ZNF708: variants seen among roughly 807,000 people sequenced by gnomAD.
ZNF708 encodes ZNF15, ZNF15L1.
ZNF708 carries 44 observed loss-of-function variants against 47.0 expected under a neutral mutation model. The ratio of observed to expected loss-of-function variants is 0.94; its 90% CI spans 0.74 to 1.20. ZNF708 has a LOEUF of 1.20. Among genes scored for constraint, ZNF708 ranks in the 50% most tolerant of loss-of-function variants. The pLI, the probability that ZNF708 is intolerant of heterozygous loss-of-function variation, is 0.00. For synonymous variants in ZNF708, 184 were observed against 218.5 expected, an observed-to-expected ratio of 0.84 and a Z score of 1.39; for missense variants, 557 against 656.0, an observed-to-expected ratio of 0.85 and a Z score of 1.65.
Position 21,293,763 on chromosome 19 carries a change from A to G in ZNF708, c.1203T>C (p.Phe401=). The G allele has an allele frequency of 6.2e-7, 1 of 1,613,658 alleles. No individual in the cohort carries two copies. Among genetic ancestry groups the G allele is most frequent in the Non-Finnish European group, 8.5e-7 (1 of 1,179,852 alleles). The change falls in exon 4 of 4, where the codon TTT becomes TTC. Residue 401 remains phenylalanine (F), a synonymous_variant. Coordinates refer to ENST00000356929, the MANE Select transcript of ZNF708 (RefSeq NM_021269.3). ...PYKCEECGKA[F]TKSSTLTYHK... ...GATAAGTAAGAGTTGAGGACTTGGT[A>G]AAGGCTTTACCACATTCTTCACATT...
In ZNF708 at chr19:21,293,198, T is replaced by G; in HGVS notation, c.*76A>C. ...TAAAGGCTTTGCCACATTTATCACATTTGTAGGATTTCTCTCCAGTATGAA... is the reference window on the plus strand; with the variant it reads ...TAAAGGCTTTGCCACATTTATCACAGTTGTAGGATTTCTCTCCAGTATGAA... On this transcript the variant is annotated 3_prime_UTR_variant, in exon 4 of 4. Transcript: ENST00000356929. The G allele has an allele frequency of 6.6e-7, 1 of 1,504,448 alleles. No homozygotes were observed. The highest frequency in any genetic ancestry group is 1.4e-5 in the African/African-American group (1 of 71,798). The allele number at this position is 1,504,448 out of a possible 1,614,324, so 93.2% of individuals were successfully genotyped here.
intron 3 of ZNF708, among the ~76,000 whole-genome samples, chr19:21,305,167 C>T (rs1027375016): frequency 2.0e-5 from 3 of 151,720 alleles, no homozygotes; most frequent in Admixed American, 6.6e-5. Context: ...CGTGCCACCA[C>T]GCCCAGCTAA....
intron 1 of ZNF708, among the ~76,000 whole-genome samples, chr19:21,324,105 G>A (rs549678284): frequency 1.3e-5 from 2 of 151,510 alleles, no homozygotes; most frequent in Non-Finnish European, 2.9e-5. Context: ...TTAGTCGGGC[G>A]TGGTGGCGGG....
chr19:21,307,177 AAATAC>A (rs1568349407), intron 3 of ZNF708, among the ~76,000 whole-genome samples: 14 of 148,592 alleles, frequency 9.4e-5, no homozygotes, highest in South Asian at 4.2e-4. Flanking sequence ...AAATAAAATA[AAATAC>A]AATAAAATAC....
intron 3 of ZNF708, among the ~76,000 whole-genome samples, chr19:21,296,816 C>T (rs879521718): frequency 2.2e-4 from 33 of 151,934 alleles, no homozygotes; most frequent in Non-Finnish European, 3.8e-4. Context: ...TGATTATAAA[C>T]ATCTGTTAAT....
intron 1 of ZNF708, among the ~76,000 whole-genome samples, chr19:21,324,377 G>A (rs1012968818): frequency 6.6e-6 from 1 of 152,188 alleles, no homozygotes; most frequent in Non-Finnish European, 1.5e-5. Flanking sequence ...AGACCAGCCT[G>A]ACCAACATGC....
chr19:21,298,969 T>C (rs1972599635), intron 3 of ZNF708, among the ~76,000 whole-genome samples: 2 of 152,132 alleles, frequency 1.3e-5, no homozygotes, highest in African/African-American at 4.8e-5. Flanking sequence ...AAGACAGAGA[T>C]TGTATGATAT....
intron 3 of ZNF708, among the ~76,000 whole-genome samples, chr19:21,308,707 C>G (rs535103293): frequency 1.4e-4 from 21 of 152,188 alleles, no homozygotes; most frequent in African/African-American, 4.8e-4. Context: ...CACTGCCCCC[C>G]CAGCCAAAAC....
chr19:21,315,784 ATT>A (rs58631399), intron 1 of ZNF708, among the ~76,000 whole-genome samples: 21,336 of 152,144 alleles, frequency 0.14, 1,964 homozygotes, highest in Non-Finnish European at 0.21. Flanking sequence ...CCAGTGTGGC[ATT>A]TTTAGTTCAA....
intron 1 of ZNF708, among the ~76,000 whole-genome samples, chr19:21,317,395 A>G (rs1373209420): frequency 6.6e-6 from 1 of 152,164 alleles, no homozygotes; most frequent in Non-Finnish European, 1.5e-5. Flanking sequence ...TAGATACCAA[A>G]TAGGCAGAGA....
At chr19:21,297,045 A>C (rs1266151137) in intron 3 of ZNF708, among the ~76,000 whole-genome samples, 1 of 151,512 alleles carries the variant, frequency 6.6e-6, no homozygotes, top group Non-Finnish European at 1.5e-5. Context: ...AGGCAGGAGA[A>C]TCGCTTTAAC....
At chr19:21,311,298 G>C (rs1490572289) in intron 1 of ZNF708, among the ~76,000 whole-genome samples, 3 of 151,742 alleles carry the variant, frequency 2.0e-5, no homozygotes, top group Non-Finnish European at 4.4e-5. Context: ...GCTGCATAAA[G>C]ATACTTAATA....
rs1360937521 is a variant in ZNF708, at chr19:21,310,588, G to A, written c.43C>T (p.Leu15=). 1 of 1,548,410 alleles carries A rather than the reference G, an allele frequency of 6.5e-7. No individual in the cohort carries two copies. The highest frequency in any genetic ancestry group is 2.4e-5 in the East Asian group (1 of 40,954). The part of the protein sequence containing the change: ...TFMDVAIEFS[L]EEWQCLDTAQ... ...GTGTCCAGGCACTGCCACTCCTCCA[G>A]AGAGAATTCTATGGCCACATCCATA... is the stretch of plus-strand genomic sequence containing the variant. Residue 15 remains leucine (L), a synonymous_variant, in exon 2 of 4, where the codon CTG becomes TTG. Transcript: ENST00000356929.
rs754469290 is a variant in ZNF708 at position 21,293,658 on chromosome 19, A to T, written c.1308T>A (p.Thr436=). 6.2e-7 allele frequency: 1 copy of T among 1,612,486 alleles called. No homozygotes were observed. Among genetic ancestry groups the T allele is most frequent in the Non-Finnish European group, 8.5e-7 (1 of 1,179,612 alleles). Residue 436 remains threonine, a synonymous_variant, in exon 4 of 4, where the codon ACT becomes ACA. Coordinates refer to ENST00000356929, the MANE Select transcript of ZNF708 (RefSeq NM_021269.3). ...CTTCAGTATGAATTACTTTATGTTT[A>T]GTAAGGATTGAGAATATACTAAAGG... ...GKAFSIFSIL[T]KHKVIHTEDK... is the part of the protein sequence containing the mutation.
intron 1 of ZNF708, among the ~76,000 whole-genome samples, chr19:21,326,658 C>T (rs139889729): frequency 0.016 from 2,414 of 152,272 alleles, 73 homozygotes; most frequent in African/African-American, 0.051. Flanking sequence ...AGGCTGGGCG[C>T]GGTGGCTCAT....
In ZNF708 at chr19:21,292,041, G is replaced by C. The variant is rs1454722378; in HGVS notation, c.*1233C>G. On this transcript the variant is annotated 3_prime_UTR_variant, in exon 4 of 4. Transcript: ENST00000356929. ...GTCTGAAGCATCCATACCTTAGTTT[G>C]TTTGTTTTTGAGATGGAGTCTCACT... The C allele has an allele frequency of 1.3e-5, 2 of 151,942 alleles. No individual in the cohort carries two copies. Among genetic ancestry groups the C allele is most frequent in the Non-Finnish European group, 1.5e-5 (1 of 68,040 alleles). 9.4% of individuals were successfully genotyped at this position (151,942 alleles called of 1,614,324 possible). A position where few individuals can be genotyped will look rare whatever the true frequency, so the allele number is the denominator to read the frequency against.
intron 3 of ZNF708, among the ~76,000 whole-genome samples, chr19:21,299,094 T>C (rs1972602102): frequency 6.6e-6 from 1 of 152,176 alleles, no homozygotes; most frequent in Non-Finnish European, 1.5e-5. Context: ...GGCCAGGCAG[T>C]GCTGTACTCC....
At position 21,293,830 on chromosome 19, in the gene ZNF708, A is replaced by C. The variant is rs200621544; in HGVS notation, c.1136T>G (p.Leu379Arg). 7.8e-5 allele frequency: 126 copies of C among 1,613,288 alleles called. No homozygotes were observed. Among genetic ancestry groups the C allele is most frequent in the Non-Finnish European group, 1.1e-4 (124 of 1,179,872 alleles). ...CGKAFNRSSH[L>R]TNHKVIHTGE... ...AGTATGAATTACCTTATGATTAGTAAGGTGTGAGGACCGGTTAAAAGCTTT... is the reference window on the plus strand; with the variant it reads ...AGTATGAATTACCTTATGATTAGTACGGTGTGAGGACCGGTTAAAAGCTTT... The change falls in exon 4 of 4, where the codon CTT (leucine) becomes CGT (arginine). Residue 379 changes from leucine (L) to arginine (R), a missense_variant. Transcript: ENST00000356929.
chr19:21,317,307 G>A (rs1363405445), intron 1 of ZNF708, among the ~76,000 whole-genome samples: 1 of 152,044 alleles, frequency 6.6e-6, no homozygotes, highest in Non-Finnish European at 1.5e-5. Context: ...CACTGAAAGA[G>A]GTAAAATGGT....
Sources: gnomAD v4.1 joint callset for allele counts (sites outside exome capture counted in the v4.1 genomes callset) on GRCh38, gnomAD v4.1.1 for gene constraint, MANE v1.5 for transcripts, NCBI Gene and HGNC (gene_info 2026-07-23, HGNC 2026-07-21) for gene names.